CORO6: variants seen among roughly 807,000 people sequenced by gnomAD.
The protein encoded by CORO6 is coronin-6.
In CORO6, 43 loss-of-function variants were observed where a neutral mutation model predicts 49.0. The ratio of observed to expected loss-of-function variants is 0.88; its 90% CI spans 0.69 to 1.13. CORO6 has a LOEUF of 1.13. Among genes scored for constraint, CORO6 ranks in the 50% most tolerant of loss-of-function variants. The pLI is 0.00. For missense variants in CORO6, 650 were observed against 647.0 expected, an observed-to-expected ratio of 1.00 and a Z score of -0.05; for synonymous variants, 233 against 256.5, an observed-to-expected ratio of 0.91 and a Z score of 0.88.
Position 29,622,669 on chromosome 17 carries a change from G to T in CORO6, c.-64+19C>A. 4.2e-6 allele frequency: 5 copies of T among 1,184,034 alleles called. No homozygotes were observed. The highest frequency in any genetic ancestry group is 5.4e-6 in the Non-Finnish European group (5 of 926,306). The allele number at this position is 1,184,034 out of a possible 1,614,324, so 73.3% of individuals were successfully genotyped here. On this transcript the variant is annotated intron_variant, in intron 1 of 10. Coordinates refer to ENST00000388767, the MANE Select transcript of CORO6 (RefSeq NM_032854.4). Reference sequence around the variant, plus strand: ...GCTCCGCTGGCTGCGGTGACGGCCGGGTGTGGGGGGCTGGGTACCTGGTCC... The same window carrying T: ...GCTCCGCTGGCTGCGGTGACGGCCGTGTGTGGGGGGCTGGGTACCTGGTCC...
chr17:29,621,788 C>G lies in CORO6; in HGVS notation c.-63-304G>C, dbSNP rs2035318396. The G allele has an allele frequency of 7.5e-6, 2 of 268,160 alleles. No individual in the cohort carries two copies. The highest frequency in any genetic ancestry group is 9.3e-5 in the Admixed American group (2 of 21,506). The allele number at this position is 268,160 out of a possible 1,614,324, so 16.6% of individuals were successfully genotyped here. ...TGCCACACTGCCTGCACCCCCCGCC[C>G]CCACCACCGCCAGCCTTGATGAGCA... On this transcript the variant is annotated intron_variant, in intron 1 of 10. Coordinates refer to ENST00000388767, the MANE Select transcript of CORO6 (RefSeq NM_032854.4). The surrounding 1 kb of genome is among the most constrained non-coding windows in gnomAD (Gnocchi z 4.2).
chr17:29,619,320 GT>G (rs1387989363), intron 3 of CORO6, 131 bp from the exon 4 acceptor site: 1 of 1,140,076 alleles, frequency 8.8e-7, no homozygotes, highest in African/African-American at 1.6e-5. Context: ...GCAAGATGTG[GT>G]GGTGCATGCC....
Position 29,616,199 on chromosome 17 carries a change from G to A in CORO6, c.1063-24C>T. 5.6e-6 allele frequency: 9 copies of A among 1,610,758 alleles called. No homozygotes were observed. Among genetic ancestry groups the A allele is most frequent in the Non-Finnish European group, 7.6e-6 (9 of 1,177,774 alleles). The stretch of plus-strand genomic sequence containing the variant: ...GACTGCGGGGGTGGGTGGACAGGAG[G>A]ACTTGCGTGAGAGGGTGCGGGGCTT... On this transcript the variant is annotated intron_variant, in intron 9 of 10. Transcript: ENST00000388767. This position sits in a 1 kb window ranked among gnomAD's most constrained non-coding sequence, Gnocchi z 5.6.
intron 2 of CORO6, among the ~76,000 whole-genome samples, chr17:29,620,602 C>T (rs948929885): frequency 6.6e-6 from 1 of 152,222 alleles, no homozygotes; most frequent in Admixed American, 6.5e-5. Context: ...GGAGAGTCAT[C>T]CTTGGGATGT....
chr17:29,617,558 T>C lies in CORO6; in HGVS notation c.695A>G (p.His232Arg), dbSNP rs774467325. ...GCGGGTGAAGCCCGTGGTGAAGATA[T>C]GGCCCTGGCGCGTGAAGACGGCCCG... ...PMRAVFTRQG[H>R]IFTTGFTRMS... The change falls in exon 6 of 11, where the codon CAT becomes CGT. Residue 232 changes from histidine (H) to arginine (R), a missense_variant. Coordinates refer to ENST00000388767, the MANE Select transcript of CORO6 (RefSeq NM_032854.4). 6.8e-6 allele frequency: 11 copies of C among 1,610,584 alleles called. No homozygotes were observed. The highest frequency in any genetic ancestry group is 8.5e-6 in the Non-Finnish European group (10 of 1,179,406).
intron 5 of CORO6, chr17:29,618,154 G>C: frequency 7.2e-7 from 1 of 1,387,602 alleles, no homozygotes; most frequent in Admixed American, 3.3e-5. Context: ...GCCCTCGTGA[G>C]GCCGGGCTTG....
At chr17:29,617,118 A>C in intron 6 of CORO6, 76 bp from the exon 7 acceptor site, 1 of 1,588,086 alleles carries the variant, frequency 6.3e-7, no homozygotes, top group Non-Finnish European at 8.6e-7. Flanking sequence ...AAGCCCCTTT[A>C]CGCTTCCTGG....
Position 29,616,354 on chromosome 17 carries a change from T to C in CORO6, c.1005-18A>G. ...TGTAGAACCTATAAGGGAGCAGGGT[T>C]CAGCACCCTCGCAGACTTCCACGTC... On this transcript the variant is annotated intron_variant, in intron 8 of 10. Coordinates refer to ENST00000388767, the MANE Select transcript of CORO6 (RefSeq NM_032854.4). This position sits in a 1 kb window ranked among gnomAD's most constrained non-coding sequence, Gnocchi z 5.6. The C allele has an allele frequency of 6.3e-7, 1 of 1,590,486 alleles. No individual in the cohort carries two copies. Among genetic ancestry groups the C allele is most frequent in the Non-Finnish European group, 8.6e-7 (1 of 1,167,462 alleles).
chr17:29,615,690 G>A lies in CORO6; in HGVS notation c.*42C>T. 1 of 1,456,652 alleles carries A rather than the reference G, an allele frequency of 6.9e-7. No homozygotes were observed. Among genetic ancestry groups the A allele is most frequent in the Non-Finnish European group, 9.0e-7 (1 of 1,107,824 alleles). 90.2% of individuals were successfully genotyped at this position (1,456,652 alleles called of 1,614,324 possible). ...GGACTAAAAGCCGGGGCGGGGCCGAGCTTGTGCGCCCCGCCCCGCTCCGCC... is the reference window on the plus strand; with the variant it reads ...GGACTAAAAGCCGGGGCGGGGCCGAACTTGTGCGCCCCGCCCCGCTCCGCC... On this transcript the variant is annotated 3_prime_UTR_variant, in exon 11 of 11. Transcript: ENST00000388767.
chr17:29,618,984 G>A lies in CORO6; in HGVS notation c.452-13C>T. The A allele has an allele frequency of 1.2e-6, 2 of 1,613,302 alleles. No individual in the cohort carries two copies. Among genetic ancestry groups the A allele is most frequent in the Non-Finnish European group, 1.7e-6 (2 of 1,179,690 alleles). On this transcript the variant is annotated splice_polypyrimidine_tract_variant and intron_variant, in intron 4 of 10. Coordinates refer to ENST00000388767, the MANE Select transcript of CORO6 (RefSeq NM_032854.4). ...ACATTGTCACCACCTGCCCAGAGTG[G>A]CCAGGCATGGTCACCTGGGTCCCAC... is the stretch of plus-strand genomic sequence containing the variant.
Position 29,616,895 on chromosome 17 carries a change from A to AG in CORO6, c.858+42_858+43insC, listed in dbSNP as rs1567805230. On this transcript the variant is annotated intron_variant, in intron 7 of 10. Coordinates refer to ENST00000388767, the MANE Select transcript of CORO6 (RefSeq NM_032854.4). This position sits in a 1 kb window ranked among gnomAD's most constrained non-coding sequence, Gnocchi z 5.6. ...GGCGCGCCCGGACAAGGCCCTCCAC[A>AG]TCTCCATCCAGTGCCCTGTTCTCCC... 5.0e-6 allele frequency: 8 copies of AG among 1,613,208 alleles called. No homozygotes were observed. Among genetic ancestry groups the AG allele is most frequent in the Non-Finnish European group, 6.8e-6 (8 of 1,179,840 alleles).
Position 29,615,444 on chromosome 17 carries a change from C to T in CORO6, c.*288G>A, listed in dbSNP as rs544560289. Reference sequence around the variant, plus strand: ...GCCCTGGGCGGAGGACAAAGGGGGACACCACCTCGCCGTGCAGCACCATTG... The same window carrying T: ...GCCCTGGGCGGAGGACAAAGGGGGATACCACCTCGCCGTGCAGCACCATTG... On this transcript the variant is annotated 3_prime_UTR_variant, in exon 11 of 11. Transcript: ENST00000388767. 1.7e-4 allele frequency: 63 copies of T among 373,062 alleles called. 3 individuals are homozygous for T. The South Asian group carries it at 3.8e-3, about 23-fold the overall frequency. 23.1% of individuals were successfully genotyped at this position (373,062 alleles called of 1,614,324 possible).
At chr17:29,617,162 A>T in intron 6 of CORO6, 120 bp from the exon 7 acceptor site, 1 of 1,555,392 alleles carries the variant, frequency 6.4e-7, no homozygotes, top group South Asian at 1.1e-5. Context: ...ACCTCTAGTG[A>T]CCAGAGTTGC....
In CORO6 at chr17:29,616,690, A is replaced by G. The variant is rs1314403874; in HGVS notation, c.1004+12T>C. 1.9e-6 allele frequency: 3 copies of G among 1,608,784 alleles called. No homozygotes were observed. The highest frequency in any genetic ancestry group is 1.7e-4 in the Middle Eastern group (1 of 6,020). On this transcript the variant is annotated intron_variant, in intron 8 of 10. Transcript: ENST00000388767. This position sits in a 1 kb window ranked among gnomAD's most constrained non-coding sequence, Gnocchi z 5.6. ...GGCGGGTAGGTGTTCAGGAGGGGCC[A>G]AGGCTGCTGACCGGGCGATCTCACA...
chr17:29,622,876 G>A lies in CORO6; in HGVS notation c.-252C>T. 1 of 1,290,678 alleles carries A rather than the reference G, an allele frequency of 7.7e-7. No homozygotes were observed. The allele number at this position is 1,290,678 out of a possible 1,614,324, so 80.0% of individuals were successfully genotyped here. On this transcript the variant is annotated 5_prime_UTR_variant, in exon 1 of 11. Coordinates refer to ENST00000388767, the MANE Select transcript of CORO6 (RefSeq NM_032854.4). ...CGGCTCTCTAGAGCCCGGCGCCGCT[G>A]CAGCCCCAGCTGCCGCTGCCATCAA... is the stretch of plus-strand genomic sequence containing the variant.
rs2034795343 is a variant in CORO6 at position 29,615,249 on chromosome 17, G to T, written c.*483C>A. 6.5e-6 allele frequency: 1 copy of T among 153,526 alleles called. No individual in the cohort carries two copies. Among genetic ancestry groups the T allele is most frequent in the Admixed American group, 6.5e-5 (1 of 15,380 alleles). 9.5% of individuals were successfully genotyped at this position (153,526 alleles called of 1,614,324 possible). On this transcript the variant is annotated 3_prime_UTR_variant, in exon 11 of 11. Transcript: ENST00000388767. ...GTTGTGTATGTGTCTGCAGAACTGG[G>T]GTGACGCCCATCTGGTTTACCGCTC... is the stretch of plus-strand genomic sequence containing the variant.
Position 29,615,538 on chromosome 17 carries a change from T to A in CORO6, c.*194A>T. ...GCCGAGTCCCAGACGAGGCTCGCAG[T>A]CCAGCCTCCGCTGGAGCGACGTGGG... is the stretch of plus-strand genomic sequence containing the variant. On this transcript the variant is annotated 3_prime_UTR_variant, in exon 11 of 11. Coordinates refer to ENST00000388767, the MANE Select transcript of CORO6 (RefSeq NM_032854.4). 1 of 599,302 alleles carries A rather than the reference T, an allele frequency of 1.7e-6. No individual in the cohort carries two copies. The highest frequency in any genetic ancestry group is 2.8e-6 in the Non-Finnish European group (1 of 362,166). The allele number at this position is 599,302 out of a possible 1,614,324, so 37.1% of individuals were successfully genotyped here. A position where few individuals can be genotyped will look rare whatever the true frequency, so the allele number is the denominator to read the frequency against.
intron 5 of CORO6, chr17:29,618,028 C>T: frequency 6.8e-7 from 1 of 1,477,774 alleles, no homozygotes. Flanking sequence ...AGCTAGCGCG[C>T]CCGGCGCGGC....
chr17:29,616,611 A>G lies in CORO6; in HGVS notation c.1004+91T>C. 4 of 1,520,494 alleles carry G rather than the reference A, an allele frequency of 2.6e-6. No homozygotes were observed. Among genetic ancestry groups the G allele is most frequent in the Non-Finnish European group, 2.7e-6 (3 of 1,112,854 alleles). The allele number at this position is 1,520,494 out of a possible 1,614,324, so 94.2% of individuals were successfully genotyped here. On this transcript the variant is annotated intron_variant, in intron 8 of 10. Coordinates refer to ENST00000388767, the MANE Select transcript of CORO6 (RefSeq NM_032854.4). The surrounding 1 kb of genome is among the most constrained non-coding windows in gnomAD (Gnocchi z 5.6). ...TCCCCCCGCCCCGCTTTTCCAAAGC[A>G]CTGCATTACTGGGGAAGCCCCGTGG...
Sources: allele counts gnomAD v4.1 joint callset (sites outside exome capture counted in the v4.1 genomes callset), GRCh38; gene constraint gnomAD v4.1.1; non-coding constraint Gnocchi (gnomAD v3.1); transcripts MANE v1.5; gene names NCBI Gene and HGNC (gene_info 2026-07-23, HGNC 2026-07-21).